Variants in ANKRD13B observed in about 807,000 individuals in gnomAD.
The protein encoded by ANKRD13B is ankyrin repeat domain 13B.
A neutral mutation model predicts 74.4 loss-of-function variants in ANKRD13B; 33 were observed. That is an observed-to-expected ratio of 0.44 (90% CI 0.34 to 0.59). The LOEUF (loss-of-function observed/expected upper bound fraction) is 0.59, where lower values mean the gene tolerates loss of function less well. ANKRD13B is among the 20% of genes least tolerant of loss of function. The probability of loss-of-function intolerance (pLI) is 0.02; values close to 1 mark genes in which losing one functional copy is unlikely to be tolerated. For missense variants in ANKRD13B, 676 were observed against 877.9 expected (o/e 0.77, Z 2.91); for synonymous variants, 341 against 362.9 (o/e 0.94, Z 0.68).
chr17:29,599,885 T>TTTG, intron 1 of ANKRD13B, among the ~76,000 whole-genome samples: 1 of 132,726 alleles, frequency 7.5e-6, no homozygotes, highest in Non-Finnish European at 1.6e-5. Context: ...TTTTTTTTTT[T>TTTG]TTTTTTTTTG....
Position 29,608,913 on chromosome 17 carries a change from C to G in ANKRD13B, c.484C>G (p.Leu162Val), listed in dbSNP as rs138638393. 1.2e-4 allele frequency: 194 copies of G among 1,613,968 alleles called. No individual in the cohort carries two copies. Among genetic ancestry groups the G allele is most frequent in the Non-Finnish European group, 1.5e-4 (177 of 1,180,024 alleles). Reference sequence around the variant, plus strand: ...CAAAGTGTGGAAGAGCGGCCAGAACCTGAGGGTAGACACCACACTCCTGGG... The same window carrying G: ...CAAAGTGTGGAAGAGCGGCCAGAACGTGAGGGTAGACACCACACTCCTGGG... ...TYKVWKSGQNLRVDTTLLGFD... is the reference protein window; with the variant it reads ...TYKVWKSGQNVRVDTTLLGFD... The change falls in exon 5 of 15, where the codon CTG becomes GTG. Residue 162 changes from leucine to valine, a missense_variant. Physicochemically the swap from Leu to Val is conservative, Grantham distance 32. This residue lies in a region of ANKRD13B where 328 missense variants were observed against 518.4 expected (regional missense o/e 0.63). Transcript: ENST00000394859. The surrounding 1 kb of genome is among the most constrained non-coding windows in gnomAD (Gnocchi z 6.4).
At chr17:29,601,083 C>T (rs1258208361) in intron 1 of ANKRD13B, among the ~76,000 whole-genome samples, 1 of 151,866 alleles carries the variant, frequency 6.6e-6, no homozygotes, top group Non-Finnish European at 1.5e-5. Flanking sequence ...ACCACCACGC[C>T]TGGCTAATTT....
intron 1 of ANKRD13B, among the ~76,000 whole-genome samples, chr17:29,599,931 C>A (rs1317272900): frequency 8.4e-6 from 1 of 118,876 alleles, no homozygotes; most frequent in African/African-American, 3.3e-5. Flanking sequence ...CGCTAGAGTG[C>A]AGTGGCGCAA....
rs1217624131 is a variant in ANKRD13B at position 29,613,430 on chromosome 17, G to C, written c.1729G>C (p.Gly577Arg). The C allele has an allele frequency of 6.5e-7, 1 of 1,529,390 alleles. No individual in the cohort carries two copies. Among genetic ancestry groups the C allele is most frequent in the Admixed American group, 2.0e-5 (1 of 49,808 alleles). 94.7% of individuals were successfully genotyped at this position (1,529,390 alleles called of 1,614,324 possible). A position where few individuals can be genotyped will look rare whatever the true frequency, so the allele number is the denominator to read the frequency against. ...VPSPRPSSGPGSGGHVFRSYD... is the reference protein window; with the variant it reads ...VPSPRPSSGPRSGGHVFRSYD... Reference sequence around the variant, plus strand: ...CAGCCCTCGGCCCAGCTCAGGGCCAGGTTCCGGCGGCCACGTGTTCCGGAG... The same window carrying C: ...CAGCCCTCGGCCCAGCTCAGGGCCACGTTCCGGCGGCCACGTGTTCCGGAG... Residue 577 changes from glycine (G) to arginine (R), a missense_variant, in exon 15 of 15, where the codon GGT (glycine) becomes CGT (arginine). By Grantham distance (125) the Gly-to-Arg change is moderately radical. This residue lies in a region of ANKRD13B where 108 missense variants were observed against 90.3 expected (regional missense o/e 1.20). Coordinates refer to ENST00000394859, the MANE Select transcript of ANKRD13B (RefSeq NM_152345.5).
At chr17:29,610,077 A>G in intron 7 of ANKRD13B, among the ~76,000 whole-genome samples, 1 of 152,002 alleles carries the variant, frequency 6.6e-6, no homozygotes, top group East Asian at 1.9e-4. Context: ...CTGTAATCCC[A>G]GCTACTCGGG....
chr17:29,597,127 C>T (rs984562650), intron 1 of ANKRD13B, among the ~76,000 whole-genome samples: 5 of 152,240 alleles, frequency 3.3e-5, no homozygotes, highest in Admixed American at 6.5e-5. Context: ...ACCTTGAGCA[C>T]AGGCTCTGCG....
At position 29,613,010 on chromosome 17, in the gene ANKRD13B, C is replaced by T. The variant is rs1461541969; in HGVS notation, c.1652+47C>T. 7 of 1,570,822 alleles carry T rather than the reference C, an allele frequency of 4.5e-6. No homozygotes were observed. The Admixed American group carries it at 1.1e-4, about 24-fold the overall frequency. Reference sequence around the variant, plus strand: ...GAGAATCCTCCGGAGAGGATCCTGTCTCCCCTAAGCCAGGACACAGCCGGA... The same window carrying T: ...GAGAATCCTCCGGAGAGGATCCTGTTTCCCCTAAGCCAGGACACAGCCGGA... On this transcript the variant is annotated intron_variant, in intron 14 of 14. Transcript: ENST00000394859.
chr17:29,608,741 G>T lies in ANKRD13B; in HGVS notation c.422-110G>T. 1.4e-6 allele frequency: 2 copies of T among 1,438,274 alleles called. No homozygotes were observed. The highest frequency in any genetic ancestry group is 1.9e-6 in the Non-Finnish European group (2 of 1,061,406). The allele number at this position is 1,438,274 out of a possible 1,614,324, so 89.1% of individuals were successfully genotyped here. On this transcript the variant is annotated intron_variant, in intron 4 of 14. Coordinates refer to ENST00000394859, the MANE Select transcript of ANKRD13B (RefSeq NM_152345.5). The surrounding 1 kb of genome is among the most constrained non-coding windows in gnomAD (Gnocchi z 6.4). ...TGGAGGAGAGGCTGCTCTCTCTTCA[G>T]TTCCCTCCCCTGTTCCTGGCCACAC...
At chr17:29,603,948 G>C (rs2034272975) in intron 1 of ANKRD13B, among the ~76,000 whole-genome samples, 1 of 149,718 alleles carries the variant, frequency 6.7e-6, no homozygotes, top group South Asian at 2.1e-4. Flanking sequence ...CGCCATCTCG[G>C]CTCACTGCAA....
intron 1 of ANKRD13B, among the ~76,000 whole-genome samples, chr17:29,597,451 T>G (rs1352185681): frequency 6.6e-6 from 1 of 151,764 alleles, no homozygotes; most frequent in Non-Finnish European, 1.5e-5. Context: ...TGTGCCTGAG[T>G]GGAGGTAGGG....
chr17:29,610,851 C>G, intron 8 of ANKRD13B, 85 bp downstream of exon 8: 1 of 1,333,092 alleles, frequency 7.5e-7, no homozygotes, highest in South Asian at 1.3e-5. Context: ...AGTATTCCCA[C>G]TGGCATCCTA....
At chr17:29,604,758 G>A (rs1004477262) in intron 1 of ANKRD13B, among the ~76,000 whole-genome samples, 4 of 151,788 alleles carry the variant, frequency 2.6e-5, no homozygotes, top group African/African-American at 9.7e-5. Flanking sequence ...GGCCAGGCTG[G>A]TCTTGAACTC....
chr17:29,607,273 C>T (rs1196405565), intron 1 of ANKRD13B, among the ~76,000 whole-genome samples: 2 of 152,216 alleles, frequency 1.3e-5, no homozygotes. Flanking sequence ...GTTTGTTAAA[C>T]CTCACTCAGT....
intron 1 of ANKRD13B, among the ~76,000 whole-genome samples, chr17:29,606,527 T>C (rs1374200112): frequency 2.0e-5 from 3 of 151,390 alleles, no homozygotes; most frequent in Admixed American, 6.6e-5. Context: ...CACTGCACTC[T>C]AGCCTGGGTG....
chr17:29,607,648 G>T (rs376855975), intron 1 of ANKRD13B, 94 bp from the exon 2 acceptor site: 2 of 1,492,664 alleles, frequency 1.3e-6, no homozygotes, highest in Non-Finnish European at 1.8e-6. Flanking sequence ...CCAGCAGGGG[G>T]TGGGGGTTGC....
rs752449750 is a variant in ANKRD13B at position 29,607,867 on chromosome 17, C to T, written c.240C>T (p.Ser80=). Residue 80 remains serine, a synonymous_variant, in exon 2 of 15, where the codon AGC becomes AGT. Coordinates refer to ENST00000394859, the MANE Select transcript of ANKRD13B (RefSeq NM_152345.5). ...HGADVGRENR[S]GWTVLQEAVS... is the part of the protein sequence containing the mutation. ...CAGACGTGGGCAGGGAGAATCGCAG[C>T]GGCTGGACAGGTGGGCAGCCCTGCT... 40 of 1,600,312 alleles carry T rather than the reference C, an allele frequency of 2.5e-5. No individual in the cohort carries two copies. The highest frequency in any genetic ancestry group is 4.5e-5 in the East Asian group (2 of 44,680).
At chr17:29,598,778 T>A (rs1567785443) in intron 1 of ANKRD13B, among the ~76,000 whole-genome samples, 1 of 152,194 alleles carries the variant, frequency 6.6e-6, no homozygotes, top group Non-Finnish European at 1.5e-5. Flanking sequence ...CTCGAACTCC[T>A]GAGCTCAAGT....
rs577744421 is a variant in ANKRD13B at position 29,596,059 on chromosome 17, C to T, written c.114+2324C>T. Among the ~76,000 whole-genome samples, 16 of 152,306 alleles carry T rather than the reference C, an allele frequency of 1.1e-4. No individual in the cohort carries two copies. In the East Asian group the frequency reaches 2.5e-3, roughly 24 times the overall value. On this transcript the variant is annotated intron_variant, in intron 1 of 14. Coordinates refer to ENST00000394859, the MANE Select transcript of ANKRD13B (RefSeq NM_152345.5). ...GGCCTCTAGTCCCCCTGGTACCAGC[C>T]GCCACAGAAACAGCTCGGCTTTCCT... is the stretch of plus-strand genomic sequence containing the variant.
rs2033829798 is a variant in ANKRD13B, at chr17:29,593,264, C to G, written c.-358C>G. On this transcript the variant is annotated 5_prime_UTR_variant, in exon 1 of 15. Coordinates refer to ENST00000394859, the MANE Select transcript of ANKRD13B (RefSeq NM_152345.5). ...GGCGGCGTCCCCGGGGCCCGCGTCC[C>G]GTGCGCCCCCGCGCCCGCTGCGGGC... Among the ~76,000 whole-genome samples, 1 of 148,916 alleles carries G rather than the reference C, an allele frequency of 6.7e-6. No homozygotes were observed. The highest frequency in any genetic ancestry group is 2.4e-5 in the African/African-American group (1 of 41,050).
Sources: allele counts gnomAD v4.1 joint callset (sites outside exome capture counted in the v4.1 genomes callset), GRCh38; gene constraint gnomAD v4.1.1; regional missense constraint gnomAD v4.1.1; non-coding constraint Gnocchi (gnomAD v3.1); transcripts MANE v1.5; gene names NCBI Gene and HGNC (gene_info 2026-07-23, HGNC 2026-07-21).